The following PCDH15 variants were observed in gnomAD, a reference collection of about 807,000 sequenced individuals.
PCDH15 encodes protocadherin related 15.
PCDH15 carries 129 observed loss-of-function variants against 178.5 expected under a neutral mutation model. The ratio of observed to expected loss-of-function variants is 0.72; its 90% CI spans 0.63 to 0.84. PCDH15 has a LOEUF of 0.84. Ranked by LOEUF, PCDH15 falls within the 40% of genes least tolerant of loss-of-function variation. The probability of loss-of-function intolerance (pLI) is 0.00; values close to 1 mark genes in which losing one functional copy is unlikely to be tolerated. For synonymous variants in PCDH15, 800 were observed against 732.0 expected, an observed-to-expected ratio of 1.09 and a Z score of -1.50; for missense variants, 2,230 against 2,099.9, an observed-to-expected ratio of 1.06 and a Z score of -1.21.
intron 8 of PCDH15, among the ~76,000 whole-genome samples, chr10:54,277,609 C>T (rs933234236): frequency 6.6e-6 from 1 of 151,502 alleles, no homozygotes; most frequent in Non-Finnish European, 1.5e-5. Flanking sequence ...GTGTTGTTTA[C>T]CCGAAATTCA....
intron 3 of PCDH15, among the ~76,000 whole-genome samples, chr10:54,848,689 T>C (rs892806356): frequency 5.3e-5 from 8 of 152,202 alleles, no homozygotes; most frequent in Non-Finnish European, 1.2e-4. Context: ...ACTAGTACAT[T>C]GACCCTGATC....
intron 20 of PCDH15, among the ~76,000 whole-genome samples, chr10:54,017,198 T>C (rs1287326719): frequency 6.6e-6 from 1 of 151,970 alleles, no homozygotes; most frequent in Non-Finnish European, 1.5e-5. Flanking sequence ...TAATTTTTTG[T>C]ATTTTTAATA....
chr10:54,542,641 A>G (rs146740112), intron 2 of PCDH15, among the ~76,000 whole-genome samples: 23 of 152,324 alleles, frequency 1.5e-4, no homozygotes, highest in African/African-American at 5.5e-4. Context: ...AGCCAAAGTC[A>G]TTACAGAGGA....
intron 1 of PCDH15, among the ~76,000 whole-genome samples, chr10:55,299,716 T>C (rs1450829252): frequency 6.6e-6 from 1 of 152,146 alleles, no homozygotes; most frequent in Non-Finnish European, 1.5e-5. Flanking sequence ...ATACTCAGAA[T>C]TGGACCAACC....
chr10:55,413,244 T>G (rs1162121279), intron 2 of PCDH15, among the ~76,000 whole-genome samples: 1 of 151,748 alleles, frequency 6.6e-6, no homozygotes, highest in Non-Finnish European at 1.5e-5. Flanking sequence ...ATTCACATAT[T>G]TGTTGAGCAC....
intron 21 of PCDH15, among the ~76,000 whole-genome samples, chr10:53,964,250 T>C (rs1388450456): frequency 6.6e-6 from 1 of 152,002 alleles, no homozygotes; most frequent in East Asian, 1.9e-4. Flanking sequence ...TGTTTACTGT[T>C]TGTCTCCCAC....
At chr10:53,872,016 C>A (rs1012594367) in intron 26 of PCDH15, among the ~76,000 whole-genome samples, 1 of 152,132 alleles carries the variant, frequency 6.6e-6, no homozygotes, top group African/African-American at 2.4e-5. Context: ...ATGGCTTCCC[C>A]CTCATTTTTG....
chr10:54,125,889 T>G (rs12249466), intron 15 of PCDH15, among the ~76,000 whole-genome samples: 4,460 of 152,122 alleles, frequency 0.029, 238 homozygotes, highest in African/African-American at 0.1. Context: ...CTCAATAGAA[T>G]AGCTAGTAAA....
rs80268090 is a variant in PCDH15 at position 54,246,897 on chromosome 10, G to C, written c.877-9966C>G. 6.4e-4 allele frequency among the ~76,000 whole-genome samples: 97 copies of C among 151,926 alleles called. 9 individuals are homozygous for C. The East Asian group carries it at 0.019, about 29-fold the overall frequency. ...TTATAGTTGCTTTAACTTGAATTTT[G>C]ATGATGATTAATGGGGTTGAACAAC... On this transcript the variant is annotated intron_variant, in intron 8 of 37. Transcript: ENST00000644397.
intron 2 of PCDH15, among the ~76,000 whole-genome samples, chr10:54,621,696 C>T (rs963961244): frequency 6.6e-6 from 1 of 151,986 alleles, no homozygotes; most frequent in Admixed American, 6.6e-5. Flanking sequence ...AGATTTTCTC[C>T]TCAAATCCCA....
chr10:55,455,566 A>T (rs1281705972), intron 2 of PCDH15, among the ~76,000 whole-genome samples: 1 of 151,808 alleles, frequency 6.6e-6, no homozygotes, highest in African/African-American at 2.4e-5. Flanking sequence ...TAGACATTTC[A>T]ATACTGTACT....
chr10:55,321,143 G>C (rs925160680), upstream of PCDH15, among the ~76,000 whole-genome samples: 4 of 151,392 alleles, frequency 2.6e-5, no homozygotes, highest in Non-Finnish European at 4.4e-5. Context: ...GAAAAGAAAA[G>C]GAAAAGAAAA....
chr10:54,965,142 T>C (rs1213459883), intron 2 of PCDH15, among the ~76,000 whole-genome samples: 1 of 152,184 alleles, frequency 6.6e-6, no homozygotes, highest in Admixed American at 6.5e-5. Context: ...ATGAAGTTAC[T>C]GCTTTTTGAA....
intron 1 of PCDH15, among the ~76,000 whole-genome samples, chr10:55,182,146 A>G (rs1839667644): frequency 6.6e-6 from 1 of 151,954 alleles, no homozygotes; most frequent in African/African-American, 2.4e-5. Context: ...GAGGATACTT[A>G]TTTTACATGC....
chr10:55,240,099 C>A (rs559278243), intron 1 of PCDH15, among the ~76,000 whole-genome samples: 1 of 152,206 alleles, frequency 6.6e-6, no homozygotes, highest in East Asian at 1.9e-4. Context: ...TTAGTATACC[C>A]ACTGTGAATA....
intron 20 of PCDH15, among the ~76,000 whole-genome samples, chr10:54,017,368 C>A (rs61858374): frequency 0.017 from 2,636 of 152,126 alleles, 22 homozygotes; most frequent in Non-Finnish European, 0.026. Context: ...GTTACAATAA[C>A]AAAGACATGG....
chr10:53,823,465 C>CAAAGGCCAAACAACACT, intron 32 of PCDH15: 1 of 1,073,046 alleles, frequency 9.3e-7, no homozygotes. Flanking sequence ...TTAAAAACAT[C>CAAAGGCCAAACAACACT]AAAGGCCAAA....
At chr10:54,990,531 T>G (rs905088376) in intron 2 of PCDH15, among the ~76,000 whole-genome samples, 2 of 152,204 alleles carry the variant, frequency 1.3e-5, no homozygotes, top group African/African-American at 4.8e-5. Context: ...AATAAATAAA[T>G]TTCATTGAAA....
chr10:54,053,027 G>A (rs1436566423), intron 18 of PCDH15, among the ~76,000 whole-genome samples: 1 of 152,048 alleles, frequency 6.6e-6, no homozygotes, highest in Non-Finnish European at 1.5e-5. Context: ...CAAACTATGT[G>A]GAACTGTGAG....
Sources: gnomAD v4.1 joint callset for allele counts (sites outside exome capture counted in the v4.1 genomes callset) on GRCh38, gnomAD v4.1.1 for gene constraint, MANE v1.5 for transcripts, NCBI Gene and HGNC (gene_info 2026-07-23, HGNC 2026-07-21) for gene names.